Variants in ENO1 observed in about 807,000 individuals in gnomAD.
ENO1 encodes the protein alpha-enolase.
ENO1 carries 33 observed loss-of-function variants against 46.3 expected under a neutral mutation model. The observed-to-expected ratio is 0.71, with a 90% CI of 0.54 to 0.95. The LOEUF (loss-of-function observed/expected upper bound fraction) is 0.95, where lower values mean the gene tolerates loss of function less well. Among genes scored for constraint, ENO1 ranks in the 40% least tolerant of loss-of-function variants. The probability of loss-of-function intolerance (pLI) is 0.00; values close to 1 mark genes in which losing one functional copy is unlikely to be tolerated. For missense variants in ENO1, 488 were observed against 553.3 expected (o/e 0.88, Z 1.18); for synonymous variants, 220 against 216.0 (o/e 1.02, Z -0.16).
chr1:8,861,550 A>G (rs1036769700), intron 11 of ENO1, 121 bp from the exon 12 acceptor site: 5 of 931,914 alleles, frequency 5.4e-6, no homozygotes, highest in Non-Finnish European at 8.2e-6. Context: ...AGTTGAGAAC[A>G]CAGAACTCTC....
chr1:8,867,564 CTT>C (rs1278961605), intron 5 of ENO1, among the ~76,000 whole-genome samples: 1 of 148,030 alleles, frequency 6.8e-6, no homozygotes. Flanking sequence ...TTTTTTTTTT[CTT>C]TTTTTTTGAG....
rs769721191 is a variant in ENO1 at position 8,870,458 on chromosome 1, A to G, written c.234T>C (p.Val78=). ...ATCAGGAGGCAGGTCCTACCTTGCTAACCAGGGCAGGCGCAATAGTTTTAT... is the reference window on the plus strand; with the variant it reads ...ATCAGGAGGCAGGTCCTACCTTGCTGACCAGGGCAGGCGCAATAGTTTTAT... ...HINKTIAPAL[V]SKKLNVTEQE... The change falls in exon 4 of 12, where the codon GTT becomes GTC. Residue 78 remains valine, a synonymous_variant. Transcript: ENST00000234590. 1 of 1,614,206 alleles carries G rather than the reference A, an allele frequency of 6.2e-7. No individual in the cohort carries two copies. Among genetic ancestry groups the G allele is most frequent in the Non-Finnish European group, 8.5e-7 (1 of 1,180,028 alleles).
At position 8,865,482 on chromosome 1, in the gene ENO1, C is replaced by A. The variant is rs753387314; in HGVS notation, c.668G>T (p.Gly223Val). The change falls in exon 8 of 12, where the codon GGC becomes GTC. Residue 223 changes from glycine (G) to valine (V), a missense_variant and splice_region_variant. Transcript: ENST00000234590. ...AATAGCAGTCTTCAGCAGCTCCAGG[C>A]CTGGGAAGAGATGGTGACAACAGGT... ...FAPNILENKE[G>V]LELLKTAIGK... The A allele has an allele frequency of 1.2e-6, 2 of 1,612,736 alleles. No homozygotes were observed. The highest frequency in any genetic ancestry group is 8.5e-7 in the Non-Finnish European group (1 of 1,179,964).
At chr1:8,874,995 C>G in intron 1 of ENO1, 78 bp from the exon 2 acceptor site, 2 of 1,264,608 alleles carry the variant, frequency 1.6e-6, no homozygotes, top group South Asian at 2.5e-5. Context: ...GAATCACTTC[C>G]GAGGTTCGTG....
At chr1:8,871,167 G>T in intron 3 of ENO1, 1 of 1,102,838 alleles carries the variant, frequency 9.1e-7, no homozygotes, top group Non-Finnish European at 1.1e-6. Context: ...AAGCGGGACT[G>T]AACACCCAGC....
intron 11 of ENO1, among the ~76,000 whole-genome samples, chr1:8,862,444 A>C (rs571677716): frequency 1.3e-5 from 2 of 152,208 alleles, no homozygotes; most frequent in Non-Finnish European, 2.9e-5. Context: ...GGAAAGGGAG[A>C]CCAGAACAGC....
At chr1:8,872,369 A>C (rs967095477) in intron 2 of ENO1, among the ~76,000 whole-genome samples, 1 of 147,872 alleles carries the variant, frequency 6.8e-6, no homozygotes, top group African/African-American at 2.5e-5. Context: ...CACACAGGGC[A>C]TTGAAGACGT....
intron 1 of ENO1, among the ~76,000 whole-genome samples, chr1:8,876,809 A>G (rs1429768032): frequency 6.6e-6 from 1 of 151,846 alleles, no homozygotes; most frequent in African/African-American, 2.4e-5. Flanking sequence ...AAAAAAAAAA[A>G]AGACAAACGT....
In ENO1 at chr1:8,866,447, C is replaced by T; in HGVS notation, c.499G>A (p.Glu167Lys). The T allele has an allele frequency of 6.2e-7, 1 of 1,614,248 alleles. No individual in the cohort carries two copies. Among genetic ancestry groups the T allele is most frequent in the Non-Finnish European group, 8.5e-7 (1 of 1,180,054 alleles). The change falls in exon 7 of 12, where the codon GAG becomes AAG. Residue 167 changes from glutamate to lysine, a missense_variant. By Grantham distance (56) the Glu-to-Lys change is moderately conservative. Coordinates refer to ENST00000234590, the MANE Select transcript of ENO1 (RefSeq NM_001428.5). ...SHAGNKLAMQ[E>K]FMILPVGAAN... is the part of the protein sequence containing the mutation. ...GCACCGACTGGGAGGATCATGAACT[C>T]CTGCATGGCCAGCTTGTTGCCAGCA...
Position 8,863,888 on chromosome 1 carries a change from TA to T in ENO1, c.1067+2del. 6.2e-7 allele frequency: 1 copy of T among 1,613,650 alleles called. No homozygotes were observed. The highest frequency in any genetic ancestry group is 8.5e-7 in the Non-Finnish European group (1 of 1,179,838). ...AAAGCTGCTCGCCTGGGAAGACACT[TA>T]CGCCTGAAGAGACTCGGTCACGGAG... On this transcript the variant is annotated splice_donor_variant, in intron 9 of 11. Transcript: ENST00000234590. LOFTEE classifies it high-confidence loss of function.
rs1285155871 is a variant in ENO1 at position 8,878,684 on chromosome 1, A to G, written c.-114T>C. On this transcript the variant is annotated 5_prime_UTR_variant, in exon 1 of 12. Coordinates refer to ENST00000234590, the MANE Select transcript of ENO1 (RefSeq NM_001428.5). ...CTCCGTGCTCCGGGTACCCACAGATACTGTCCGCGCCGCCCGCGCCGACTT... is the reference window on the plus strand; with the variant it reads ...CTCCGTGCTCCGGGTACCCACAGATGCTGTCCGCGCCGCCCGCGCCGACTT... 14 of 455,916 alleles carry G rather than the reference A, an allele frequency of 3.1e-5. No individual in the cohort carries two copies. The highest frequency in any genetic ancestry group is 6.2e-5 in the Non-Finnish European group (14 of 226,794). The allele number at this position is 455,916 out of a possible 1,614,324, so 28.2% of individuals were successfully genotyped here.
chr1:8,866,313 G>C lies in ENO1; in HGVS notation c.633C>G (p.Gly211=). The C allele has an allele frequency of 6.2e-7, 1 of 1,614,012 alleles. No individual in the cohort carries two copies. The highest frequency in any genetic ancestry group is 1.1e-5 in the South Asian group (1 of 91,072). Residue 211 remains glycine, a synonymous_variant, in exon 7 of 12, where the codon GGC becomes GGG. Transcript: ENST00000234590. ...TCTCCAGGATGTTGGGAGCAAACCCGCCTTCATCCCCCACATTGGTGGCAT... is the reference window on the plus strand; with the variant it reads ...TCTCCAGGATGTTGGGAGCAAACCCCCCTTCATCCCCCACATTGGTGGCAT... ...GKDATNVGDE[G]GFAPNILENK...
In ENO1 at chr1:8,870,530, C is replaced by A; in HGVS notation, c.182-20G>T. The A allele has an allele frequency of 6.2e-7, 1 of 1,614,100 alleles. No homozygotes were observed. The highest frequency in any genetic ancestry group is 1.1e-5 in the South Asian group (1 of 91,072). The stretch of plus-strand genomic sequence containing the variant: ...AGACACCTGGAAGGAACAATCAAAT[C>A]AAATTACTGACATTAACTTTAAAAC... On this transcript the variant is annotated intron_variant, in intron 3 of 11. Coordinates refer to ENST00000234590, the MANE Select transcript of ENO1 (RefSeq NM_001428.5).
At position 8,861,047 on chromosome 1, in the gene ENO1, G is replaced by A. The variant is rs576650903; in HGVS notation, c.*313C>T. 3.8e-4 allele frequency: 114 copies of A among 296,432 alleles called. No individual in the cohort carries two copies. Among genetic ancestry groups the A allele is most frequent in the East Asian group, 5.1e-4 (8 of 15,778 alleles). 18.4% of individuals were successfully genotyped at this position (296,432 alleles called of 1,614,324 possible). On this transcript the variant is annotated 3_prime_UTR_variant, in exon 12 of 12. Transcript: ENST00000234590. ...TTTTTATTTTGAGCACAAAACCACC[G>A]GGGATCTAGCCTGTGGCCACCCCGG...
chr1:8,865,479 A>G lies in ENO1; in HGVS notation c.671T>C (p.Leu224Pro). Residue 224 changes from leucine to proline, a missense_variant, in exon 8 of 12, where the codon CTG becomes CCG. By Grantham distance (98) the Leu-to-Pro change is moderately conservative. Transcript: ENST00000234590. ...CCCAATAGCAGTCTTCAGCAGCTCC[A>G]GGCCTGGGAAGAGATGGTGACAACA... ...APNILENKEG[L>P]ELLKTAIGKA... is the part of the protein sequence containing the mutation. 6.2e-7 allele frequency: 1 copy of G among 1,612,788 alleles called. No homozygotes were observed. Among genetic ancestry groups the G allele is most frequent in the Middle Eastern group, 2.0e-4 (1 of 5,050 alleles).
In ENO1 at chr1:8,870,889, C is replaced by T. The variant is rs1400632639; in HGVS notation, c.182-379G>A. ...CTTAATGGGTCTGGAGACGCCTGCC[C>T]AGCAGAGGATGAAGAAGGAAAAATG... On this transcript the variant is annotated intron_variant, in intron 3 of 11. Transcript: ENST00000234590. 7.2e-6 allele frequency: 9 copies of T among 1,254,994 alleles called. No individual in the cohort carries two copies. The African/African-American group carries it at 1.4e-4, about 19-fold the overall frequency. The allele number at this position is 1,254,994 out of a possible 1,614,324, so 77.7% of individuals were successfully genotyped here. A position where few individuals can be genotyped will look rare whatever the true frequency, so the allele number is the denominator to read the frequency against.
chr1:8,870,602 G>A (rs1014058577), intron 3 of ENO1, 92 bp from the exon 4 acceptor site: 58 of 1,576,392 alleles, frequency 3.7e-5, no homozygotes, highest in Middle Eastern at 3.4e-4. Context: ...AGGCCGACGC[G>A]GAAGCCCACC....
chr1:8,871,128 G>GT, intron 3 of ENO1: 2 of 1,172,614 alleles, frequency 1.7e-6, no homozygotes, highest in South Asian at 4.3e-5. Flanking sequence ...TAACATGTTC[G>GT]TGTGTGTAGA....
At chr1:8,876,174 C>T (rs1642728335) in intron 1 of ENO1, 1 of 152,150 alleles carries the variant, frequency 6.6e-6, no homozygotes, top group Non-Finnish European at 1.5e-5. Flanking sequence ...GTGAGAGGAA[C>T]TTAGTGTTTA....
Sources: gnomAD v4.1 joint callset for allele counts (sites outside exome capture counted in the v4.1 genomes callset) on GRCh38, gnomAD v4.1.1 for gene constraint, MANE v1.5 for transcripts, NCBI Gene and HGNC (gene_info 2026-07-23, HGNC 2026-07-21) for gene names.